Variants in FARS2 observed in about 807,000 individuals in gnomAD.
FARS2 encodes phenylalanyl-tRNA synthetase 2, mitochondrial.
Under a neutral mutation model 46.4 loss-of-function variants are expected in FARS2, and 40 were observed. The ratio of observed to expected loss-of-function variants is 0.86; its 90% CI spans 0.67 to 1.12. The LOEUF (loss-of-function observed/expected upper bound fraction) is 1.12, where lower values mean the gene tolerates loss of function less well. Among genes scored for constraint, FARS2 ranks in the 50% most tolerant of loss-of-function variants. The pLI is 0.00. For missense variants in FARS2, 513 were observed against 567.9 expected (o/e 0.90, Z 0.98); for synonymous variants, 234 against 214.9 (o/e 1.09, Z -0.78).
rs576944188 is a variant in FARS2, at chr6:5,715,992, T to G, written c.1218-55299T>G. On this transcript the variant is annotated intron_variant, in intron 6 of 6. Coordinates refer to ENST00000274680, the MANE Select transcript of FARS2 (RefSeq NM_006567.5). ...AACACTTGTTATTATCTCTTTTTTA[T>G]TATAGCCATCCTAGTGGCTACAAAG... Among the ~76,000 whole-genome samples the G allele has an allele frequency of 2.3e-3, 357 of 152,356 alleles. 2 individuals carry two copies. Among genetic ancestry groups the G allele is most frequent in the African/African-American group, 8.3e-3 (346 of 41,582 alleles).
chr6:5,443,798 C>T (rs189716385), intron 4 of FARS2, among the ~76,000 whole-genome samples: 7 of 152,302 alleles, frequency 4.6e-5, no homozygotes, highest in East Asian at 1.9e-4. Context: ...TTCAGCTTAC[C>T]GAGGGCTCAT....
At chr6:5,470,640 G>C (rs1765758995) in intron 4 of FARS2, among the ~76,000 whole-genome samples, 1 of 152,192 alleles carries the variant, frequency 6.6e-6, no homozygotes, top group Non-Finnish European at 1.5e-5. Flanking sequence ...GTTCCGTATA[G>C]TTTGTGTAGT....
intron 1 of FARS2, among the ~76,000 whole-genome samples, chr6:5,282,489 G>A (rs887061059): frequency 3.3e-5 from 5 of 152,310 alleles, no homozygotes; most frequent in Admixed American, 2.0e-4. Context: ...GGGGAAGGGA[G>A]ACAATCATGA....
At chr6:5,732,560 C>T (rs1237078060) in intron 6 of FARS2, among the ~76,000 whole-genome samples, 4 of 152,188 alleles carry the variant, frequency 2.6e-5, no homozygotes, top group Admixed American at 2.6e-4. Flanking sequence ...ATGTTGGGCC[C>T]ATCAAGAGAG....
At chr6:5,400,538 C>T (rs1211025754) in intron 2 of FARS2, among the ~76,000 whole-genome samples, 3 of 151,634 alleles carry the variant, frequency 2.0e-5, no homozygotes, top group Non-Finnish European at 1.5e-5. Context: ...TTGTGACTTA[C>T]TATGTGATCA....
chr6:5,623,284 T>C (rs1291618940), intron 6 of FARS2, among the ~76,000 whole-genome samples: 4 of 152,232 alleles, frequency 2.6e-5, no homozygotes, highest in African/African-American at 9.6e-5. Flanking sequence ...ACTGGGAGCC[T>C]TGGACTTGGC....
At chr6:5,619,397 T>C (rs1473321342) in intron 6 of FARS2, among the ~76,000 whole-genome samples, 1 of 152,124 alleles carries the variant, frequency 6.6e-6, no homozygotes, top group Non-Finnish European at 1.5e-5. Flanking sequence ...ATTCTGCTCA[T>C]AGACTCACTC....
chr6:5,299,347 A>G (rs1313369175), intron 1 of FARS2, among the ~76,000 whole-genome samples: 1 of 152,224 alleles, frequency 6.6e-6, no homozygotes, highest in African/African-American at 2.4e-5. Context: ...ATCTAGGTGT[A>G]TCTTTGAACC....
chr6:5,722,230 G>C (rs61512932), intron 6 of FARS2, among the ~76,000 whole-genome samples: 3,025 of 152,224 alleles, frequency 0.02, 100 homozygotes, highest in African/African-American at 0.066. Context: ...GCAATACAGC[G>C]AAAAGGGCAA....
At chr6:5,607,281 ATGTATGTGTGTGTGTGTG>A (rs1448375796) in intron 5 of FARS2, among the ~76,000 whole-genome samples, 4,472 of 147,354 alleles carry the variant, frequency 0.03, 156 homozygotes, top group African/African-American at 0.082. Context: ...AAAGAATAAT[ATGTATGTGTGTGTGTGTG>A]TGTGTGTGTG....
At chr6:5,451,105 T>C (rs1334248970) in intron 4 of FARS2, among the ~76,000 whole-genome samples, 1 of 152,206 alleles carries the variant, frequency 6.6e-6, no homozygotes, top group Non-Finnish European at 1.5e-5. Flanking sequence ...GCTTTCATTC[T>C]GAACTTTTTG....
chr6:5,493,878 T>C (rs1418539183), intron 4 of FARS2, among the ~76,000 whole-genome samples: 3 of 152,240 alleles, frequency 2.0e-5, no homozygotes, highest in Non-Finnish European at 4.4e-5. Context: ...TATTTTACTG[T>C]CATTTGCTTT....
At chr6:5,629,476 C>T (rs1172705356) in intron 6 of FARS2, among the ~76,000 whole-genome samples, 2 of 152,040 alleles carry the variant, frequency 1.3e-5, no homozygotes. Flanking sequence ...CCCACGTATA[C>T]AGACAGAAAT....
intron 6 of FARS2, among the ~76,000 whole-genome samples, chr6:5,704,365 G>T (rs967281773): frequency 1.3e-5 from 2 of 152,114 alleles, no homozygotes; most frequent in African/African-American, 2.4e-5. Flanking sequence ...ACTTCCCAAA[G>T]GCCCCACCTC....
intron 1 of FARS2, among the ~76,000 whole-genome samples, chr6:5,345,449 C>T (rs947722863): frequency 6.6e-6 from 1 of 152,188 alleles, no homozygotes; most frequent in Non-Finnish European, 1.5e-5. Context: ...CACTTCACCC[C>T]GAGGTACAGT....
intron 2 of FARS2, among the ~76,000 whole-genome samples, chr6:5,373,044 C>T (rs1194436331): frequency 6.6e-6 from 1 of 152,074 alleles, no homozygotes; most frequent in Admixed American, 6.5e-5. Flanking sequence ...AATTAGGTGA[C>T]AAGTTCTCCC....
At chr6:5,370,718 G>C (rs910851241) in intron 2 of FARS2, among the ~76,000 whole-genome samples, 1 of 152,180 alleles carries the variant, frequency 6.6e-6, no homozygotes, top group African/African-American at 2.4e-5. Context: ...AATCAAGGCT[G>C]CCACAGAAGA....
chr6:5,411,642 A>G (rs138367901), intron 3 of FARS2, among the ~76,000 whole-genome samples: 90 of 152,072 alleles, frequency 5.9e-4, no homozygotes, highest in African/African-American at 2.1e-3. Flanking sequence ...AGAACACACT[A>G]TTTCCTTGTG....
At chr6:5,335,864 C>T (rs73367025) in intron 1 of FARS2, among the ~76,000 whole-genome samples, 11,392 of 152,174 alleles carry the variant, frequency 0.075, 460 homozygotes, top group Middle Eastern at 0.18. Flanking sequence ...AGTAGCAGGA[C>T]GATATGTGTA....
Sources: gnomAD v4.1 joint callset for allele counts (sites outside exome capture counted in the v4.1 genomes callset) on GRCh38, gnomAD v4.1.1 for gene constraint, MANE v1.5 for transcripts, NCBI Gene and HGNC (gene_info 2026-07-23, HGNC 2026-07-21) for gene names.